ZNF750: variants seen among roughly 807,000 people sequenced by gnomAD.
ZNF750 encodes the protein zinc finger protein 750, also known as protein ZNF750.
In ZNF750, 10 loss-of-function variants were observed where a neutral mutation model predicts 31.6. The ratio of observed to expected loss-of-function variants is 0.32; its 90% CI spans 0.19 to 0.54. ZNF750 has a LOEUF of 0.54. ZNF750 is among the 20% of genes least tolerant of loss of function. The pLI is 0.95. For missense variants in ZNF750, 914 were observed against 934.9 expected (o/e 0.98, Z 0.29); for synonymous variants, 400 against 404.9 (o/e 0.99, Z 0.15).
chr17:82,830,986 C>T, intron 2 of ZNF750, 33 bp downstream of exon 2: 8 of 1,613,702 alleles, frequency 5.0e-6, no homozygotes, highest in Non-Finnish European at 6.8e-6. Flanking sequence ...CAGAAACATT[C>T]CCTTGGAGGT....
chr17:82,830,795 C>T lies in ZNF750; in HGVS notation c.1519G>A (p.Asp507Asn), dbSNP rs769210534. 19 of 1,613,450 alleles carry T rather than the reference C, an allele frequency of 1.2e-5. 1 individual carries two copies. In the Admixed American group the frequency reaches 1.7e-4, roughly 14 times the overall value. The change falls in exon 3 of 3, where the codon GAC (aspartate) becomes AAC (asparagine). Residue 507 changes from aspartate (D) to asparagine (N), a missense_variant. Physicochemically the swap from Asp to Asn is conservative, Grantham distance 23. Transcript: ENST00000269394. ...VSEAAPSSPD[D>N]SSGMGPLNLS... ...TTGAGGGGGCCCATCCCGGAGCTGT[C>T]GTCCGGACTGGAAGGCGCGGCCTCC...
rs776128960 is a variant in ZNF750 at position 82,835,320 on chromosome 17, A to G, written c.-182-2684T>C. Reference sequence around the variant, plus strand: ...TCCTTCCTCCCACACGCCAGGGGCCAGGGGTGGTGGCTGGGCTTTCATATG... The same window carrying G: ...TCCTTCCTCCCACACGCCAGGGGCCGGGGGTGGTGGCTGGGCTTTCATATG... On this transcript the variant is annotated intron_variant, in intron 1 of 2. Transcript: ENST00000269394. The surrounding 1 kb of genome is among the most constrained non-coding windows in gnomAD (Gnocchi z 4.5). 6.6e-6 allele frequency among the ~76,000 whole-genome samples: 1 copy of G among 152,170 alleles called. No individual in the cohort carries two copies. The highest frequency in any genetic ancestry group is 1.5e-5 in the Non-Finnish European group (1 of 68,024).
At chr17:82,838,506 C>G (rs559047521) in intron 1 of ZNF750, 1 of 369,768 alleles carries the variant, frequency 2.7e-6, no homozygotes, top group South Asian at 1.1e-4. Context: ...GGAGCCTGCT[C>G]GGCTGGAGCA....
rs2053672365 is a variant in ZNF750, at chr17:82,833,230, A to G, written c.-182-594T>C. On this transcript the variant is annotated intron_variant, in intron 1 of 2. Transcript: ENST00000269394. The surrounding 1 kb of genome is among the most constrained non-coding windows in gnomAD (Gnocchi z 4.7). Reference sequence around the variant, plus strand: ...GGCTGGCCACCGTCTACTTGCTCCTACCTGCTGGCTGGGAGCTCTCCCAAG... The same window carrying G: ...GGCTGGCCACCGTCTACTTGCTCCTGCCTGCTGGCTGGGAGCTCTCCCAAG... 6.6e-6 allele frequency among the ~76,000 whole-genome samples: 1 copy of G among 151,796 alleles called. No individual in the cohort carries two copies. The highest frequency in any genetic ancestry group is 1.5e-5 in the Non-Finnish European group (1 of 67,960).
chr17:82,830,342 C>T lies in ZNF750; in HGVS notation c.1972G>A (p.Ala658Thr). ...TCTTGCCGGCAGGCAGGTTCCGGGG[C>T]CGCAGCATCCCCATCGCCCACCCGG... ...NIRVGDGDAAAPEPACRQDTP... is the reference protein window; with the variant it reads ...NIRVGDGDAATPEPACRQDTP... The change falls in exon 3 of 3, where the codon GCC becomes ACC. Residue 658 changes from alanine to threonine, a missense_variant. Coordinates refer to ENST00000269394, the MANE Select transcript of ZNF750 (RefSeq NM_024702.3). The T allele has an allele frequency of 6.2e-7, 1 of 1,613,742 alleles. No individual in the cohort carries two copies. Among genetic ancestry groups the T allele is most frequent in the Non-Finnish European group, 8.5e-7 (1 of 1,180,038 alleles).
At chr17:82,836,037 A>G (rs1235770736) in intron 1 of ZNF750, among the ~76,000 whole-genome samples, 2 of 152,254 alleles carry the variant, frequency 1.3e-5, no homozygotes, top group Non-Finnish European at 2.9e-5. Flanking sequence ...CACCGGGTCA[A>G]GGCCAAGCAA....
At position 82,830,253 on chromosome 17, in the gene ZNF750, T is replaced by TACAA; in HGVS notation, c.2060_2061insTTGT (p.Gln687HisfsTer18). On this transcript the variant is annotated frameshift_variant, in exon 3 of 3. Coordinates refer to ENST00000269394, the MANE Select transcript of ZNF750 (RefSeq NM_024702.3). LOFTEE classifies it low-confidence loss of function (END_TRUNC). ...CAGCATCCCTTAGACTTGTCCTCTT[T>TACAA]TGTCCTTTGGGTCTGAGGTCACACT... 1 of 1,614,242 alleles carries TACAA rather than the reference T, an allele frequency of 6.2e-7. No homozygotes were observed. Among genetic ancestry groups the TACAA allele is most frequent in the Non-Finnish European group, 8.5e-7 (1 of 1,180,036 alleles).
intron 1 of ZNF750, among the ~76,000 whole-genome samples, chr17:82,839,487 A>G (rs1047107194): frequency 2.6e-5 from 4 of 152,118 alleles, no homozygotes; most frequent in African/African-American, 9.7e-5. Flanking sequence ...ACACATATAT[A>G]TAACCCTAAA....
rs2053309990 is a variant in ZNF750 at position 82,829,785 on chromosome 17, T to C, written c.*357A>G. 4.4e-6 allele frequency: 1 copy of C among 229,298 alleles called. No individual in the cohort carries two copies. Among genetic ancestry groups the C allele is most frequent in the Non-Finnish European group, 8.6e-6 (1 of 116,270 alleles). The allele number at this position is 229,298 out of a possible 1,614,324, so 14.2% of individuals were successfully genotyped here. ...CAGTAATTGTCATTTACATCAAATA[T>C]GCAGCTAGAGCTAATAGAAAAACAG... On this transcript the variant is annotated 3_prime_UTR_variant, in exon 3 of 3. Transcript: ENST00000269394.
At chr17:82,834,603 C>T (rs900986824) in intron 1 of ZNF750, among the ~76,000 whole-genome samples, 1 of 151,612 alleles carries the variant, frequency 6.6e-6, no homozygotes, top group African/African-American at 2.4e-5. Flanking sequence ...GCATCCTCAG[C>T]AAACTAACGC....
Position 82,829,911 on chromosome 17 carries a change from G to A in ZNF750, c.*231C>T, listed in dbSNP as rs2053323360. The A allele has an allele frequency of 4.7e-6, 3 of 634,308 alleles. No individual in the cohort carries two copies. The highest frequency in any genetic ancestry group is 3.7e-5 in the African/African-American group (2 of 54,430). 39.3% of individuals were successfully genotyped at this position (634,308 alleles called of 1,614,324 possible). On this transcript the variant is annotated 3_prime_UTR_variant, in exon 3 of 3. Coordinates refer to ENST00000269394, the MANE Select transcript of ZNF750 (RefSeq NM_024702.3). ...CTTGAAAATACATATCAGTCTTAGAGTCATTCAGGTGTTTTTACAACCAAA... is the reference window on the plus strand; with the variant it reads ...CTTGAAAATACATATCAGTCTTAGAATCATTCAGGTGTTTTTACAACCAAA...
Position 82,832,880 on chromosome 17 carries a change from G to T in ZNF750, c.-182-244C>A, listed in dbSNP as rs1483360166. On this transcript the variant is annotated intron_variant, in intron 1 of 2. Transcript: ENST00000269394. This position sits in a 1 kb window ranked among gnomAD's most constrained non-coding sequence, Gnocchi z 4.9. ...TCTGATCTGAAAGAGTCACCTCGGG[G>T]CCTAGAGGTGGAGTGTGGTGTGTGG... Among the ~76,000 whole-genome samples the T allele has an allele frequency of 2.0e-5, 3 of 152,234 alleles. No homozygotes were observed. Among genetic ancestry groups the T allele is most frequent in the Admixed American group, 6.5e-5 (1 of 15,290 alleles).
At chr17:82,837,749 G>A (rs28706217) in intron 1 of ZNF750, among the ~76,000 whole-genome samples, 69,515 of 152,016 alleles carry the variant, frequency 0.46, 16,019 homozygotes, top group East Asian at 0.54. Flanking sequence ...GGTGGCTGTT[G>A]CTGAAATACT....
chr17:82,830,871 A>G lies in ZNF750; in HGVS notation c.1443T>C (p.Asn481=). 1 of 1,612,884 alleles carries G rather than the reference A, an allele frequency of 6.2e-7. No homozygotes were observed. The highest frequency in any genetic ancestry group is 1.3e-5 in the African/African-American group (1 of 75,052). ...ETTAESPVSL[N]VVNGDPPAPT... ...GAGCAGGAGGGTCTCCGTTCACAAC[A>G]TTGAGGCTAGAAGAAGCCAAGAAAA... Residue 481 remains asparagine (N), a synonymous_variant, in exon 3 of 3, where the codon AAT becomes AAC. Transcript: ENST00000269394.
Position 82,831,971 on chromosome 17 carries a change from A to G in ZNF750, c.484T>C (p.Phe162Leu). The G allele has an allele frequency of 1.2e-6, 2 of 1,613,740 alleles. No homozygotes were observed. The highest frequency in any genetic ancestry group is 1.7e-6 in the Non-Finnish European group (2 of 1,179,704). The change falls in exon 2 of 3, where the codon TTT becomes CTT. Residue 162 changes from phenylalanine to leucine, a missense_variant. Physicochemically the swap from Phe to Leu is conservative, Grantham distance 22. This residue lies in a region of ZNF750 where 880 missense variants were observed against 868.9 expected (regional missense o/e 1.01). Transcript: ENST00000269394. This position sits in a 1 kb window ranked among gnomAD's most constrained non-coding sequence, Gnocchi z 4.6. ...ALEGAARPSA[F>L]VPVGEHRLKG... ...AGTCTGTGCTCGCCGACTGGAACAA[A>G]TGCAGAAGGCCGAGCTGCGCCTTCC...
Position 82,832,723 on chromosome 17 carries a change from C to G in ZNF750, c.-182-87G>C. ...TCGGCTCGCCACAGTGCCACAGGAT[C>G]CCTGAAGCAGAACCCCTGAAGGGCT... On this transcript the variant is annotated intron_variant, in intron 1 of 2. Coordinates refer to ENST00000269394, the MANE Select transcript of ZNF750 (RefSeq NM_024702.3). The surrounding 1 kb of genome is among the most constrained non-coding windows in gnomAD (Gnocchi z 4.9). 1.9e-6 allele frequency: 1 copy of G among 526,900 alleles called. No homozygotes were observed. Among genetic ancestry groups the G allele is most frequent in the Non-Finnish European group, 3.4e-6 (1 of 292,842 alleles). 32.6% of individuals were successfully genotyped at this position (526,900 alleles called of 1,614,324 possible).
chr17:82,832,725 C>G lies in ZNF750; in HGVS notation c.-182-89G>C, dbSNP rs2053626378. The G allele has an allele frequency of 3.8e-6, 2 of 525,556 alleles. No individual in the cohort carries two copies. The highest frequency in any genetic ancestry group is 3.4e-5 in the East Asian group (1 of 29,300). The allele number at this position is 525,556 out of a possible 1,614,324, so 32.6% of individuals were successfully genotyped here. A position where few individuals can be genotyped will look rare whatever the true frequency, so the allele number is the denominator to read the frequency against. On this transcript the variant is annotated intron_variant, in intron 1 of 2. Transcript: ENST00000269394. This position sits in a 1 kb window ranked among gnomAD's most constrained non-coding sequence, Gnocchi z 4.9. The stretch of plus-strand genomic sequence containing the variant: ...GGCTCGCCACAGTGCCACAGGATCC[C>G]TGAAGCAGAACCCCTGAAGGGCTGA...
At position 82,830,054 on chromosome 17, in the gene ZNF750, A is replaced by G. The variant is rs572562408; in HGVS notation, c.*88T>C. The G allele has an allele frequency of 7.4e-5, 117 of 1,573,000 alleles. No individual in the cohort carries two copies. The East Asian group carries it at 2.3e-3, about 31-fold the overall frequency. ...CAGCAGCTGCATTTGTAAAAATGTG[A>G]AAGTGCCAGTTCAGAGGTGTTGTAG... is the stretch of plus-strand genomic sequence containing the variant. On this transcript the variant is annotated 3_prime_UTR_variant, in exon 3 of 3. Coordinates refer to ENST00000269394, the MANE Select transcript of ZNF750 (RefSeq NM_024702.3).
At position 82,831,392 on chromosome 17, in the gene ZNF750, G is replaced by A. The variant is rs763602277; in HGVS notation, c.1063C>T (p.Leu355=). ...GAAGGACTCGAGGCTGGATAGACCA[G>A]GGTGGCTTCTTCAAGCAGGTGAGAG... is the stretch of plus-strand genomic sequence containing the variant. ...QSSHLLEEAT[L]VYPASSPSRL... Residue 355 remains leucine, a synonymous_variant, in exon 2 of 3, where the codon CTG becomes TTG. Coordinates refer to ENST00000269394, the MANE Select transcript of ZNF750 (RefSeq NM_024702.3). This position sits in a 1 kb window ranked among gnomAD's most constrained non-coding sequence, Gnocchi z 4.6. 9 of 1,614,220 alleles carry A rather than the reference G, an allele frequency of 5.6e-6. No homozygotes were observed. Among genetic ancestry groups the A allele is most frequent in the South Asian group, 1.1e-5 (1 of 91,084 alleles).
Sources: gnomAD v4.1 joint callset for allele counts (sites outside exome capture counted in the v4.1 genomes callset) on GRCh38, gnomAD v4.1.1 for gene constraint, gnomAD v4.1.1 regional missense constraint, Gnocchi (gnomAD v3.1) non-coding constraint, MANE v1.5 for transcripts, NCBI Gene and HGNC (gene_info 2026-07-23, HGNC 2026-07-21) for gene names.